The following SH3YL1 variants were observed in gnomAD, a reference collection of about 807,000 sequenced individuals.
The protein encoded by SH3YL1 is SH3 domain-containing YSC84-like protein 1.
Under a neutral mutation model 45.8 loss-of-function variants are expected in SH3YL1, and 41 were observed. The ratio of observed to expected loss-of-function variants is 0.89; its 90% CI spans 0.70 to 1.16. SH3YL1 has a LOEUF of 1.16. SH3YL1 is among the 50% of genes most tolerant of loss of function. SH3YL1 has a pLI of 0.00. For synonymous variants in SH3YL1, 152 were observed against 151.4 expected (o/e 1.00, Z -0.03); for missense variants, 389 against 409.6 (o/e 0.95, Z 0.43).
Position 247,558 on chromosome 2 carries a change from C to T in SH3YL1, c.271G>A (p.Gly91Arg). The change falls in exon 4 of 10, where the codon GGA (glycine) becomes AGA (arginine). Residue 91 changes from glycine (G) to arginine (R), a missense_variant. Physicochemically the swap from Gly to Arg is moderately radical, Grantham distance 125 (BLOSUM62 -2). Transcript: ENST00000356150. ...SAIGIAGLGG[G>R]FEIGIEVSDL... ...CTTACCTCAATTCCTATTTCAAATC[C>T]TCCACCAAGGCCAGCTATCCCAATG... The T allele has an allele frequency of 6.4e-7, 1 of 1,551,656 alleles. No homozygotes were observed. The highest frequency in any genetic ancestry group is 8.7e-7 in the Non-Finnish European group (1 of 1,146,950).
chr2:230,968 T>C, intron 7 of SH3YL1, 55 bp downstream of exon 7: 2 of 1,562,996 alleles, frequency 1.3e-6, no homozygotes, highest in Non-Finnish European at 1.8e-6. Context: ...GACAGAATGT[T>C]CTACAGAAAG....
At chr2:225,307 C>T (rs1667747852) in intron 8 of SH3YL1, among the ~76,000 whole-genome samples, 1 of 152,242 alleles carries the variant, frequency 6.6e-6, no homozygotes, top group Non-Finnish European at 1.5e-5. Context: ...ACACTGGATT[C>T]CCGTTCTGAC....
intron 1 of SH3YL1, 88 bp downstream of exon 1, chr2:263,896 G>T: frequency 8.6e-7 from 1 of 1,164,536 alleles, no homozygotes; most frequent in Non-Finnish European, 1.2e-6. Context: ...CAGAGGCATC[G>T]CCGGTTTTCC....
intron 7 of SH3YL1, 70 bp from the exon 8 acceptor site, chr2:230,114 T>C: frequency 3.3e-6 from 4 of 1,226,470 alleles, no homozygotes; most frequent in Non-Finnish European, 4.7e-6. Flanking sequence ...ATATAACTCT[T>C]TTCTAATGAG....
intron 8 of SH3YL1, among the ~76,000 whole-genome samples, chr2:227,406 T>C (rs1667829858): frequency 6.6e-6 from 1 of 152,112 alleles, no homozygotes; most frequent in Admixed American, 6.6e-5. Context: ...GAAAAAAATC[T>C]GAAATAAAGT....
intron 1 of SH3YL1, chr2:262,575 C>T: frequency 7.7e-7 from 1 of 1,301,406 alleles, no homozygotes. Flanking sequence ...TTTTTAAAAA[C>T]TTCATGTGCT....
In SH3YL1 at chr2:253,125, A is replaced by G; in HGVS notation, c.2-10T>C. On this transcript the variant is annotated splice_polypyrimidine_tract_variant and intron_variant, in intron 1 of 9. Coordinates refer to ENST00000356150, the MANE Select transcript of SH3YL1 (RefSeq NM_015677.4). ...GGTATAGGGTTATTCACTGAAACAT[A>G]ACAAAAGATATTTTAATGAAAAATT... The G allele has an allele frequency of 1.4e-6, 2 of 1,382,688 alleles. No homozygotes were observed. Among genetic ancestry groups the G allele is most frequent in the South Asian group, 1.3e-5 (1 of 75,136 alleles). The allele number at this position is 1,382,688 out of a possible 1,614,324, so 85.7% of individuals were successfully genotyped here.
At chr2:236,691 CG>C (rs1668318251) in intron 4 of SH3YL1, among the ~76,000 whole-genome samples, 1 of 152,146 alleles carries the variant, frequency 6.6e-6, no homozygotes, top group African/African-American at 2.4e-5. Context: ...CAAGCAGACT[CG>C]TGCTTAAAAT....
At position 257,072 on chromosome 2, in the gene SH3YL1, C is replaced by T. The variant is rs150541548; in HGVS notation, c.2-3957G>A. On this transcript the variant is annotated intron_variant, in intron 1 of 9. Transcript: ENST00000356150. ...TTAACCACTTATTATTATTATTATA[C>T]TTTAACGGAGTTGTTTTTTTGCTTG... is the stretch of plus-strand genomic sequence containing the variant. Among the ~76,000 whole-genome samples, 19 of 152,130 alleles carry T rather than the reference C, an allele frequency of 1.2e-4. No homozygotes were observed. In the East Asian group the frequency reaches 3.5e-3, roughly 28 times the overall value.
Position 231,150 on chromosome 2 carries a change from C to T in SH3YL1, c.575G>A (p.Gly192Glu). 6.2e-7 allele frequency: 1 copy of T among 1,613,702 alleles called. No individual in the cohort carries two copies. The highest frequency in any genetic ancestry group is 2.2e-5 in the East Asian group (1 of 44,882). ...QDIRAYDILF[G>E]DTPRPAQAED... ...GGCTTGAGCAGGCCGCGGTGTATCT[C>T]CAAATAAAATGTCATAAGCTCGGAT... is the stretch of plus-strand genomic sequence containing the variant. Residue 192 changes from glycine (G) to glutamate (E), a missense_variant, in exon 7 of 10, where the codon GGA becomes GAA. Transcript: ENST00000356150.
intron 8 of SH3YL1, among the ~76,000 whole-genome samples, chr2:226,015 A>G (rs1667771046): frequency 6.6e-6 from 1 of 152,176 alleles, no homozygotes; most frequent in African/African-American, 2.4e-5. Flanking sequence ...CTAGAATTGT[A>G]TATTGGGGAG....
chr2:253,372 A>G (rs1009971995), intron 1 of SH3YL1, among the ~76,000 whole-genome samples: 1 of 152,178 alleles, frequency 6.6e-6, no homozygotes, highest in Non-Finnish European at 1.5e-5. Flanking sequence ...ATAAAACAGC[A>G]TGCAGTAAAG....
At chr2:246,129 A>T (rs1668795495) in intron 4 of SH3YL1, among the ~76,000 whole-genome samples, 1 of 151,678 alleles carries the variant, frequency 6.6e-6, no homozygotes, top group Non-Finnish European at 1.5e-5. Flanking sequence ...TGGGAGGTGG[A>T]GGTTGCAGTG....
chr2:261,633 T>C (rs1161475811), intron 1 of SH3YL1, among the ~76,000 whole-genome samples: 1 of 152,232 alleles, frequency 6.6e-6, no homozygotes, highest in Non-Finnish European at 1.5e-5. Context: ...ATCGCAGTTC[T>C]ATAAACTCAA....
intron 1 of SH3YL1, chr2:262,274 C>G: frequency 6.2e-6 from 1 of 160,376 alleles, no homozygotes; most frequent in East Asian, 1.8e-4. Flanking sequence ...AAATAAAAAC[C>G]TGTCTCTCTG....
At chr2:263,057 C>G (rs956525241) in intron 1 of SH3YL1, among the ~76,000 whole-genome samples, 1 of 152,186 alleles carries the variant, frequency 6.6e-6, no homozygotes, top group Non-Finnish European at 1.5e-5. Context: ...CGGGAGTAAA[C>G]AGCACCTTAG....
chr2:252,635 TATC>T (rs1450716999), intron 2 of SH3YL1, among the ~76,000 whole-genome samples: 2 of 152,222 alleles, frequency 1.3e-5, no homozygotes, highest in African/African-American at 4.8e-5. Context: ...ATCATTATTT[TATC>T]ATTATTAAGA....
chr2:232,352 A>T (rs1301346851), intron 6 of SH3YL1, among the ~76,000 whole-genome samples: 1 of 151,420 alleles, frequency 6.6e-6, no homozygotes, highest in Non-Finnish European at 1.5e-5. Context: ...TGACTGACAC[A>T]TGAGTTGTAA....
In SH3YL1 at chr2:234,454, C is replaced by T. The variant is rs146502382; in HGVS notation, c.292-182G>A. ...TGATGAATTATGAAGCCAATATTGC[C>T]ACAGGTAATTACAACAAACCTCAGC... On this transcript the variant is annotated intron_variant, in intron 4 of 9. Coordinates refer to ENST00000356150, the MANE Select transcript of SH3YL1 (RefSeq NM_015677.4). Among the ~76,000 whole-genome samples the T allele has an allele frequency of 4.7e-4, 72 of 152,254 alleles. No homozygotes were observed. In the East Asian group the frequency reaches 0.013, roughly 28 times the overall value.
Sources: allele counts gnomAD v4.1 joint callset (sites outside exome capture counted in the v4.1 genomes callset), GRCh38; gene constraint gnomAD v4.1.1; transcripts MANE v1.5; gene names NCBI Gene and HGNC (gene_info 2026-07-23, HGNC 2026-07-21).